SLC6A12: variants seen among roughly 807,000 people sequenced by gnomAD.
SLC6A12 encodes sodium- and chloride-dependent betaine transporter.
A neutral mutation model predicts 73.3 loss-of-function variants in SLC6A12; 50 were observed. That is an observed-to-expected ratio of 0.68 (90% CI 0.54 to 0.86). The LOEUF is 0.86. SLC6A12 is among the 40% of genes least tolerant of loss of function. The probability of loss-of-function intolerance (pLI) is 0.00; values close to 1 mark genes in which losing one functional copy is unlikely to be tolerated. For synonymous variants in SLC6A12, 304 were observed against 309.2 expected, an observed-to-expected ratio of 0.98 and a Z score of 0.18; for missense variants, 648 against 772.8, an observed-to-expected ratio of 0.84 and a Z score of 1.92.
chr12:204,600 C>G lies in SLC6A12; in HGVS notation c.313G>C (p.Val105Leu). 2 of 1,614,218 alleles carry G rather than the reference C, an allele frequency of 1.2e-6. No homozygotes were observed. The highest frequency in any genetic ancestry group is 2.2e-5 in the South Asian group (2 of 91,080). ...GGGCAGATCTTCCTCCAGGCTGTGA[C>G]ACTCCCTTGGCTGGTGTATTGGCCC... ...ALGQYTSQGSVTAWRKICPLF... is the reference protein window; with the variant it reads ...ALGQYTSQGSLTAWRKICPLF... The change falls in exon 4 of 16, where the codon GTC becomes CTC. Residue 105 changes from valine (V) to leucine (L), a missense_variant. Val to Leu is a conservative substitution (Grantham distance 32). Coordinates refer to ENST00000684302, the MANE Select transcript of SLC6A12 (RefSeq NM_001122848.3).
Position 197,430 on chromosome 12 carries a change from A to C in SLC6A12, c.1022T>G (p.Leu341Arg), listed in dbSNP as rs1939977630. The C allele has an allele frequency of 6.2e-7, 1 of 1,613,856 alleles. No individual in the cohort carries two copies. Among genetic ancestry groups the C allele is most frequent in the African/African-American group, 1.3e-5 (1 of 74,924 alleles). ...FVAGFVVFSI[L>R]GFMSQEQGVP... ...CCCTTGCTCTTGGGACATGAAGCCC[A>C]GGATGGAGAAGACAACAAACCCAGC... The change falls in exon 10 of 16, where the codon CTG (leucine) becomes CGG (arginine). Residue 341 changes from leucine (L) to arginine (R), a missense_variant. Transcript: ENST00000684302.
In SLC6A12 at chr12:193,479, C is replaced by T. The variant is rs1192012931; in HGVS notation, c.1430-102G>A. The T allele has an allele frequency of 2.3e-5, 19 of 816,618 alleles. No individual in the cohort carries two copies. The South Asian group carries it at 2.3e-4, about 10-fold the overall frequency. The allele number at this position is 816,618 out of a possible 1,614,324, so 50.6% of individuals were successfully genotyped here. On this transcript the variant is annotated intron_variant, in intron 13 of 15. Coordinates refer to ENST00000684302, the MANE Select transcript of SLC6A12 (RefSeq NM_001122848.3). ...TGGCTCTGTGCCCTTCCCTCACCCC[C>T]GCCCTGTGCAGGGAAACTGGAACAG... is the stretch of plus-strand genomic sequence containing the variant.
At position 213,755 on chromosome 12, in the gene SLC6A12, GTGGGCA is replaced by G. The variant is rs1941000118; in HGVS notation, c.-143+161_-143+166del. Reference sequence around the variant, plus strand: ...GGGGGCACCCCTTGTCCTGAGAGTCGTGGGCATCAGACTTGCCCTTTGGCCTGAGGT... The same window carrying G: ...GGGGGCACCCCTTGTCCTGAGAGTCGTCAGACTTGCCCTTTGGCCTGAGGT... On this transcript the variant is annotated intron_variant, in intron 1 of 15. Transcript: ENST00000684302. The surrounding 1 kb of genome is among the most constrained non-coding windows in gnomAD (Gnocchi z 5.3). 1 of 152,558 alleles carries G rather than the reference GTGGGCA, an allele frequency of 6.6e-6. No homozygotes were observed. Among genetic ancestry groups the G allele is most frequent in the Non-Finnish European group, 1.5e-5 (1 of 68,300 alleles). The allele number at this position is 152,558 out of a possible 1,614,324, so 9.5% of individuals were successfully genotyped here. A position where few individuals can be genotyped will look rare whatever the true frequency, so the allele number is the denominator to read the frequency against.
downstream of SLC6A12, among the ~76,000 whole-genome samples, chr12:188,040 G>A (rs1939467380): frequency 1.3e-5 from 2 of 152,358 alleles, no homozygotes; most frequent in South Asian, 4.1e-4. Flanking sequence ...AGACTCAGGA[G>A]CCCAGCTGGC....
intron 13 of SLC6A12, among the ~76,000 whole-genome samples, chr12:193,711 G>T (rs867594208): frequency 2.6e-4 from 40 of 152,168 alleles, no homozygotes; most frequent in African/African-American, 8.4e-4. Context: ...TTAGACAAAC[G>T]CCTGTTTACC....
At chr12:188,820 G>A (rs1366640719), downstream of SLC6A12, among the ~76,000 whole-genome samples, 2 of 152,198 alleles carry the variant, frequency 1.3e-5, no homozygotes, top group Non-Finnish European at 2.9e-5. Flanking sequence ...GGGTCCCTGT[G>A]AGAGGTGAGG....
intron 7 of SLC6A12, among the ~76,000 whole-genome samples, chr12:200,097 CT>C (rs1475745906): frequency 6.7e-6 from 1 of 149,300 alleles, no homozygotes; most frequent in African/African-American, 2.5e-5. Context: ...CTAATTTGCC[CT>C]GAATATTCTT....
chr12:209,244 T>C (rs980654709), intron 3 of SLC6A12, among the ~76,000 whole-genome samples: 1 of 152,194 alleles, frequency 6.6e-6, no homozygotes, highest in Admixed American at 6.5e-5. Flanking sequence ...CCTTCCCCTC[T>C]GCACGCCTAG....
intron 6 of SLC6A12, 88 bp downstream of exon 6, chr12:201,674 C>A: frequency 9.4e-7 from 1 of 1,059,076 alleles, no homozygotes; most frequent in Non-Finnish European, 1.5e-6. Context: ...CACACAGAAT[C>A]TTAAACTTGC....
intron 5 of SLC6A12, among the ~76,000 whole-genome samples, chr12:202,430 C>T (rs1216485163): frequency 6.6e-6 from 1 of 152,234 alleles, no homozygotes; most frequent in Non-Finnish European, 1.5e-5. Context: ...AATCTCCAGC[C>T]CTTGGCACCG....
At chr12:201,699 G>A in intron 6 of SLC6A12, 63 bp downstream of exon 6, 1 of 1,320,302 alleles carries the variant, frequency 7.6e-7, no homozygotes, top group Non-Finnish European at 1.1e-6. Context: ...CAGACATTCA[G>A]ACTTGCACAG....
chr12:204,478 A>C (rs1003697254), intron 4 of SLC6A12, 86 bp downstream of exon 4: 21 of 1,296,284 alleles, frequency 1.6e-5, no homozygotes, highest in Non-Finnish European at 2.2e-5. Flanking sequence ...TGGGTGAAGC[A>C]GCGGATGGGT....
chr12:204,602 C>T lies in SLC6A12; in HGVS notation c.311G>A (p.Ser104Asn), dbSNP rs1240535173. 2 of 1,614,098 alleles carry T rather than the reference C, an allele frequency of 1.2e-6. No homozygotes were observed. The highest frequency in any genetic ancestry group is 1.3e-5 in the African/African-American group (1 of 74,930). Residue 104 changes from serine (S) to asparagine (N), a missense_variant, in exon 4 of 16, where the codon AGT (serine) becomes AAT (asparagine). Ser to Asn is a conservative substitution (Grantham distance 46, BLOSUM62 1). Transcript: ENST00000684302. ...VALGQYTSQG[S>N]VTAWRKICPL... ...GCAGATCTTCCTCCAGGCTGTGACACTCCCTTGGCTGGTGTATTGGCCCAA... is the reference window on the plus strand; with the variant it reads ...GCAGATCTTCCTCCAGGCTGTGACATTCCCTTGGCTGGTGTATTGGCCCAA...
Position 200,704 on chromosome 12 carries a change from C to T in SLC6A12, c.658G>A (p.Ala220Thr), listed in dbSNP as rs147431370. ...ATGCAGAAATAGCAGATGACCCAGG[C>T]GAGCAGGAGGCACAGGGCCAGCTCC... Reference protein sequence around the residue: ...RWELALCLLLAWVICYFCIWK... With the variant: ...RWELALCLLLTWVICYFCIWK... The change falls in exon 7 of 16, where the codon GCC becomes ACC. Residue 220 changes from alanine to threonine, a missense_variant. Physicochemically the swap from Ala to Thr is moderately conservative, Grantham distance 58 (BLOSUM62 0). Coordinates refer to ENST00000684302, the MANE Select transcript of SLC6A12 (RefSeq NM_001122848.3). 8.1e-6 allele frequency: 13 copies of T among 1,614,036 alleles called. No homozygotes were observed. The highest frequency in any genetic ancestry group is 2.7e-5 in the African/African-American group (2 of 74,930).
At chr12:191,927 T>C (rs1255513328) in intron 15 of SLC6A12, among the ~76,000 whole-genome samples, 1 of 152,186 alleles carries the variant, frequency 6.6e-6, no homozygotes, top group African/African-American at 2.4e-5. Context: ...GCTGAAACTG[T>C]TGGAGGTTGG....
At chr12:194,830 G>C (rs766451315) in intron 13 of SLC6A12, among the ~76,000 whole-genome samples, 1 of 152,204 alleles carries the variant, frequency 6.6e-6, no homozygotes, top group South Asian at 2.1e-4. Context: ...CTCAGAGTCT[G>C]GGTGATCGCC....
the SLC6A12 span, among the ~76,000 whole-genome samples, chr12:183,916 AAG>A: frequency 6.6e-6 from 1 of 152,176 alleles, no homozygotes; most frequent in Non-Finnish European, 1.5e-5. Flanking sequence ...TCTTTCAGAA[AAG>A]AGAAACAGAA....
Position 195,477 on chromosome 12 carries a change from T to G in SLC6A12, c.1327-150A>C, listed in dbSNP as rs1027894397. ...GCATCTCAAAGGAGTTTGCCCTGTC[T>G]GCCCCTGCCTTCAGGCCCCCCAGTC... On this transcript the variant is annotated intron_variant, in intron 12 of 15. Coordinates refer to ENST00000684302, the MANE Select transcript of SLC6A12 (RefSeq NM_001122848.3). 4.8e-6 allele frequency: 3 copies of G among 623,504 alleles called. No homozygotes were observed. The African/African-American group carries it at 5.4e-5, about 11-fold the overall frequency. 38.6% of individuals were successfully genotyped at this position (623,504 alleles called of 1,614,324 possible). A position where few individuals can be genotyped will look rare whatever the true frequency, so the allele number is the denominator to read the frequency against.
chr12:189,555 C>CG (rs1265712579), downstream of SLC6A12, among the ~76,000 whole-genome samples: 1 of 152,136 alleles, frequency 6.6e-6, no homozygotes, highest in African/African-American at 2.4e-5. Flanking sequence ...AGCCCCTGGG[C>CG]GGGGGGTCCA....
Sources: gnomAD v4.1 joint callset for allele counts (sites outside exome capture counted in the v4.1 genomes callset) on GRCh38, gnomAD v4.1.1 for gene constraint, Gnocchi (gnomAD v3.1) non-coding constraint, MANE v1.5 for transcripts, NCBI Gene and HGNC (gene_info 2026-07-23, HGNC 2026-07-21) for gene names.